Variants in AFG1L observed in about 807,000 individuals in gnomAD.
AFG1L encodes the protein AFG1 like ATPase.
A neutral mutation model predicts 62.2 loss-of-function variants in AFG1L; 53 were observed. The observed-to-expected ratio is 0.85, with a 90% CI of 0.68 to 1.07. The LOEUF (loss-of-function observed/expected upper bound fraction) is 1.07, where lower values mean the gene tolerates loss of function less well. Ranked by LOEUF, AFG1L falls within the 50% of genes least tolerant of loss-of-function variation. AFG1L has a pLI of 0.00. For missense variants in AFG1L, 555 were observed against 590.5 expected, an observed-to-expected ratio of 0.94 and a Z score of 0.62; for synonymous variants, 228 against 210.3, an observed-to-expected ratio of 1.08 and a Z score of -0.73.
chr6:108,450,596 T>TA (rs1772011523), intron 8 of AFG1L, among the ~76,000 whole-genome samples: 1 of 152,224 alleles, frequency 6.6e-6, no homozygotes, highest in African/African-American at 2.4e-5. Context: ...AGAAGCGCTT[T>TA]AGTTTAATTA....
chr6:108,373,445 G>A (rs562633325), intron 6 of AFG1L, among the ~76,000 whole-genome samples: 7 of 152,114 alleles, frequency 4.6e-5, no homozygotes, highest in Non-Finnish European at 7.3e-5. Context: ...TCATTAATGG[G>A]TACCTGGGTT....
intron 6 of AFG1L, among the ~76,000 whole-genome samples, chr6:108,366,771 C>T (rs1223799872): frequency 6.6e-6 from 1 of 152,078 alleles, no homozygotes; most frequent in African/African-American, 2.4e-5. Flanking sequence ...TAAAAAAGCA[C>T]TTGTGGCTTA....
intron 7 of AFG1L, among the ~76,000 whole-genome samples, chr6:108,444,091 T>TCTAC (rs1771663098): frequency 6.6e-6 from 1 of 151,664 alleles, no homozygotes; most frequent in South Asian, 2.1e-4. Flanking sequence ...TATCTATCTA[T>TCTAC]CTATCTATCT....
At chr6:108,487,472 CATG>C (rs1387037411) in intron 10 of AFG1L, among the ~76,000 whole-genome samples, 2 of 152,258 alleles carry the variant, frequency 1.3e-5, no homozygotes, top group Admixed American at 1.3e-4. Context: ...TTGTGAAATG[CATG>C]ATGTGATCAG....
chr6:108,418,344 A>C (rs1219914648), intron 7 of AFG1L, among the ~76,000 whole-genome samples: 1 of 152,172 alleles, frequency 6.6e-6, no homozygotes, highest in East Asian at 1.9e-4. Flanking sequence ...GTACAGTTGC[A>C]GAGTTGAGTG....
chr6:108,509,646 C>A (rs1237906943), intron 10 of AFG1L, among the ~76,000 whole-genome samples: 1 of 152,182 alleles, frequency 6.6e-6, no homozygotes, highest in Non-Finnish European at 1.5e-5. Flanking sequence ...TAACTCCCCA[C>A]CGCACTCTTG....
intron 8 of AFG1L, among the ~76,000 whole-genome samples, chr6:108,473,550 T>A (rs1251627044): frequency 6.6e-6 from 1 of 151,964 alleles, no homozygotes; most frequent in East Asian, 1.9e-4. Context: ...AGCAGCTCAC[T>A]TTTTTAAAAT....
chr6:108,419,176 C>T (rs1167196723), intron 7 of AFG1L, among the ~76,000 whole-genome samples: 1 of 152,090 alleles, frequency 6.6e-6, no homozygotes, highest in Non-Finnish European at 1.5e-5. Flanking sequence ...TTTTCTTAAT[C>T]AGTTTAACAG....
At chr6:108,503,532 C>T (rs1294183013) in intron 10 of AFG1L, among the ~76,000 whole-genome samples, 1 of 152,106 alleles carries the variant, frequency 6.6e-6, no homozygotes, top group Non-Finnish European at 1.5e-5. Flanking sequence ...CGTAGTAAAC[C>T]ATGCTATAAA....
Position 108,476,810 on chromosome 6 carries a change from T to A in AFG1L, c.891-55T>A. ...AGCTAAGCAGTCTCAGGCAGCTGTT[T>A]GATGTTGGCTTCAAGTGTTATTAAT... On this transcript the variant is annotated intron_variant, in intron 8 of 12. Coordinates refer to ENST00000368977, the MANE Select transcript of AFG1L (RefSeq NM_145315.5). 3 of 1,306,474 alleles carry A rather than the reference T, an allele frequency of 2.3e-6. No individual in the cohort carries two copies. In the Admixed American group the frequency reaches 5.1e-5, roughly 22 times the overall value. The allele number at this position is 1,306,474 out of a possible 1,614,324, so 80.9% of individuals were successfully genotyped here.
chr6:108,387,277 G>A (rs1310480370), intron 6 of AFG1L, among the ~76,000 whole-genome samples: 2 of 152,262 alleles, frequency 1.3e-5, no homozygotes, highest in Non-Finnish European at 2.9e-5. Flanking sequence ...TTCCCAGGGT[G>A]GCTTCCCAAG....
chr6:108,305,830 C>T (rs1016289819), intron 1 of AFG1L, among the ~76,000 whole-genome samples: 5 of 152,166 alleles, frequency 3.3e-5, no homozygotes, highest in Admixed American at 2.0e-4. Context: ...GAAATGGATG[C>T]TGGTTTCAAA....
rs183242145 is a variant in AFG1L at position 108,439,811 on chromosome 6, A to T, written c.808-7403A>T. Among the ~76,000 whole-genome samples the T allele has an allele frequency of 2.5e-4, 38 of 152,268 alleles. No individual in the cohort carries two copies. In the South Asian group the frequency reaches 2.7e-3, roughly 11 times the overall value. On this transcript the variant is annotated intron_variant, in intron 7 of 12. Transcript: ENST00000368977. ...GTAGTACATGATTACTTTAAATATG[A>T]CTCAAACAGCTGTCTTAGAATGTAT...
rs140028787 is a variant in AFG1L at position 108,347,008 on chromosome 6, T to C, written c.384T>C (p.Pro128=). The part of the protein sequence containing the change: ...LFSKLFSRSK[P]PRGLYVYGDV... ...TGCAGCTTTTTTCAAGGAGCAAACC[T>C]CCAAGGGGCCTGTATGTTTATGGAG... The change falls in exon 3 of 13, where the codon CCT becomes CCC. Residue 128 remains proline (P), a synonymous_variant. Transcript: ENST00000368977. 1 of 1,613,708 alleles carries C rather than the reference T, an allele frequency of 6.2e-7. No individual in the cohort carries two copies. The highest frequency in any genetic ancestry group is 1.1e-5 in the South Asian group (1 of 91,050).
At chr6:108,337,147 T>C (rs1204137271) in intron 2 of AFG1L, among the ~76,000 whole-genome samples, 1 of 152,326 alleles carries the variant, frequency 6.6e-6, no homozygotes. Context: ...GTGCAAGATA[T>C]GACATTTTTG....
chr6:108,406,640 G>A (rs1781871402), intron 7 of AFG1L, among the ~76,000 whole-genome samples: 1 of 152,122 alleles, frequency 6.6e-6, no homozygotes, highest in African/African-American at 2.4e-5. Flanking sequence ...GTTTCACCAT[G>A]TTGGCCAGGC....
chr6:108,486,807 CA>C (rs1368215903), intron 10 of AFG1L, among the ~76,000 whole-genome samples: 8 of 152,058 alleles, frequency 5.3e-5, no homozygotes, highest in African/African-American at 1.9e-4. Flanking sequence ...CAGATTCAAG[CA>C]ATTCCTGTGC....
At chr6:108,430,974 C>T (rs781285608) in intron 7 of AFG1L, among the ~76,000 whole-genome samples, 3 of 152,182 alleles carry the variant, frequency 2.0e-5, no homozygotes, top group African/African-American at 4.8e-5. Flanking sequence ...CTTACTTGCT[C>T]GGCATCCTGG....
intron 2 of AFG1L, among the ~76,000 whole-genome samples, chr6:108,338,638 G>T (rs969861070): frequency 1.3e-5 from 2 of 152,102 alleles, no homozygotes; most frequent in Non-Finnish European, 2.9e-5. Flanking sequence ...CCTAGTCAAA[G>T]AAACTTTTAA....
Sources: gnomAD v4.1 joint callset for allele counts (sites outside exome capture counted in the v4.1 genomes callset) on GRCh38, gnomAD v4.1.1 for gene constraint, MANE v1.5 for transcripts, NCBI Gene and HGNC (gene_info 2026-07-23, HGNC 2026-07-21) for gene names.